PDE9A: variants seen among roughly 807,000 people sequenced by gnomAD.
PDE9A encodes phosphodiesterase 9A, also known as high affinity cGMP-specific 3',5'-cyclic phosphodiesterase 9A.
Under a neutral mutation model 87.4 loss-of-function variants are expected in PDE9A, and 60 were observed. The observed-to-expected ratio is 0.69, with a 90% CI of 0.56 to 0.85. The LOEUF is 0.85. Among genes scored for constraint, PDE9A ranks in the 40% least tolerant of loss-of-function variants. The pLI, the probability that PDE9A is intolerant of heterozygous loss-of-function variation, is 0.00. For synonymous variants in PDE9A, 272 were observed against 279.4 expected, an observed-to-expected ratio of 0.97 and a Z score of 0.27; for missense variants, 665 against 779.0, an observed-to-expected ratio of 0.85 and a Z score of 1.74.
intron 4 of PDE9A, among the ~76,000 whole-genome samples, chr21:42,727,138 G>A (rs1218872641): frequency 2.1e-5 from 3 of 140,168 alleles, no homozygotes; most frequent in Non-Finnish European, 4.6e-5. Context: ...TGTAAAACTT[G>A]TTTACCTATG....
At chr21:42,742,192 C>G (rs1489017381) in intron 7 of PDE9A, among the ~76,000 whole-genome samples, 1 of 152,134 alleles carries the variant, frequency 6.6e-6, no homozygotes, top group East Asian at 1.9e-4. Context: ...TGCAGTGGGA[C>G]TCTGTAACTG....
At position 42,689,611 on chromosome 21, in the gene PDE9A, G is replaced by A. The variant is rs56350349; in HGVS notation, c.218+1617G>A. On this transcript the variant is annotated intron_variant, in intron 3 of 19. Coordinates refer to ENST00000291539, the MANE Select transcript of PDE9A (RefSeq NM_002606.3). The stretch of plus-strand genomic sequence containing the variant: ...TTTTCCTGAAGTCATTTGAAACAGC[G>A]TGCAGAGACATTTAAACTCGGCGGG... 0.016 allele frequency: 15,941 copies of A among 985,348 alleles called. 1,583 individuals are homozygous for A. The African/African-American group carries it at 0.23, about 14-fold the overall frequency. The allele number at this position is 985,348 out of a possible 1,614,324, so 61.0% of individuals were successfully genotyped here.
intron 1 of PDE9A, among the ~76,000 whole-genome samples, chr21:42,679,850 C>T (rs2059066271): frequency 6.6e-6 from 1 of 152,178 alleles, no homozygotes. Context: ...AGGCCAGACC[C>T]TCAAACTCCA....
intron 4 of PDE9A, among the ~76,000 whole-genome samples, chr21:42,727,093 A>G (rs2051210662): frequency 6.6e-6 from 1 of 151,610 alleles, no homozygotes; most frequent in Non-Finnish European, 1.5e-5. Flanking sequence ...AAAAAAAAAA[A>G]AAAAAAAGTC....
chr21:42,737,567 T>C (rs2052590660), intron 7 of PDE9A, among the ~76,000 whole-genome samples: 6 of 152,118 alleles, frequency 3.9e-5, no homozygotes, highest in Admixed American at 1.3e-4. Flanking sequence ...ACAGGACACT[T>C]CTGTCTCAGC....
At chr21:42,670,104 CAT>C (rs575776578) in intron 1 of PDE9A, among the ~76,000 whole-genome samples, 77 of 152,210 alleles carry the variant, frequency 5.1e-4, no homozygotes, top group African/African-American at 1.2e-3. Context: ...TACACTCACA[CAT>C]ATGCTTACAC....
rs2052071691 is a variant in PDE9A at position 42,733,618 on chromosome 21, T to C, written c.568+192T>C. 6.8e-6 allele frequency: 4 copies of C among 587,442 alleles called. No homozygotes were observed. The South Asian group carries it at 8.6e-5, about 13-fold the overall frequency. 36.4% of individuals were successfully genotyped at this position (587,442 alleles called of 1,614,324 possible). The stretch of plus-strand genomic sequence containing the variant: ...TGACTAACTAAGCATTTTATTTCTA[T>C]TTTAAAAGAAGCACAGCTCATGGTA... On this transcript the variant is annotated intron_variant, in intron 7 of 19. Transcript: ENST00000291539.
intron 4 of PDE9A, among the ~76,000 whole-genome samples, chr21:42,715,185 TTAC>T (rs1364396868): frequency 1.5e-5 from 2 of 132,640 alleles, no homozygotes; most frequent in Non-Finnish European, 3.1e-5. Flanking sequence ...ATATGCATCT[TTAC>T]TTTTTTTTTT....
intron 4 of PDE9A, among the ~76,000 whole-genome samples, chr21:42,727,489 A>ATTTTTTTTTTTTTTTT (rs58515760): frequency 2.3e-5 from 2 of 88,340 alleles, no homozygotes; most frequent in African/African-American, 5.1e-5. Context: ...ACGCCTGGCT[A>ATTTTTTTTTTTTTTTT]TTTTTTTTTT....
At chr21:42,715,948 C>T (rs1206106434) in intron 4 of PDE9A, among the ~76,000 whole-genome samples, 1 of 151,494 alleles carries the variant, frequency 6.6e-6, no homozygotes, top group African/African-American at 2.4e-5. Flanking sequence ...GATCTTTTTA[C>T]TGTCTCCATA....
chr21:42,682,985 A>G (rs2059251235), intron 1 of PDE9A, among the ~76,000 whole-genome samples: 2 of 152,248 alleles, frequency 1.3e-5, no homozygotes, highest in African/African-American at 4.8e-5. Context: ...AAAATCAGAT[A>G]TCACTTAAGA....
chr21:42,754,016 G>C lies in PDE9A; in HGVS notation c.762G>C (p.Glu254Asp). The C allele has an allele frequency of 6.2e-7, 1 of 1,613,422 alleles. No homozygotes were observed. Among genetic ancestry groups the C allele is most frequent in the South Asian group, 1.1e-5 (1 of 91,062 alleles). ...ACCTGCTCTCTCCAGAGACCATCGA[G>C]GCCCTGCGGAAGCCGACCTTTGACG... ...PKYLLSPETIEALRKPTFDVW... is the reference protein window; with the variant it reads ...PKYLLSPETIDALRKPTFDVW... Residue 254 changes from glutamate to aspartate, a missense_variant, in exon 10 of 20, where the codon GAG becomes GAC. Glu to Asp is a conservative substitution (Grantham distance 45, BLOSUM62 2). Coordinates refer to ENST00000291539, the MANE Select transcript of PDE9A (RefSeq NM_002606.3).
At chr21:42,766,368 G>C (rs2056401429) in intron 15 of PDE9A, among the ~76,000 whole-genome samples, 2 of 151,730 alleles carry the variant, frequency 1.3e-5, no homozygotes, top group African/African-American at 4.8e-5. Context: ...TGCCCTCCCG[G>C]CCTTCAGAGA....
Position 42,743,753 on chromosome 21 carries a change from GCTGT to G in PDE9A, c.569-20_569-17del, listed in dbSNP as rs1291699089. 6.8e-7 allele frequency: 1 copy of G among 1,480,040 alleles called. No homozygotes were observed. Among genetic ancestry groups the G allele is most frequent in the African/African-American group, 1.4e-5 (1 of 72,020 alleles). 91.7% of individuals were successfully genotyped at this position (1,480,040 alleles called of 1,614,324 possible). A position where few individuals can be genotyped will look rare whatever the true frequency, so the allele number is the denominator to read the frequency against. ...CACATTCGTCCGTGGTAACCCCCTT[GCTGT>G]CTCTCTCTCTGTCACCAGTGGAAGG... On this transcript the variant is annotated intron_variant, in intron 7 of 19. Coordinates refer to ENST00000291539, the MANE Select transcript of PDE9A (RefSeq NM_002606.3).
At position 42,694,971 on chromosome 21, in the gene PDE9A, A is replaced by G. The variant is rs1481778238; in HGVS notation, c.219-3997A>G. On this transcript the variant is annotated intron_variant, in intron 3 of 19. Coordinates refer to ENST00000291539, the MANE Select transcript of PDE9A (RefSeq NM_002606.3). The surrounding 1 kb of genome is among the most constrained non-coding windows in gnomAD (Gnocchi z 5.3). ...CTCCAAGCACATTCCCCCTCTGCAC[A>G]CTGCCAATCTTCCTGTCCCCGCCCC... Among the ~76,000 whole-genome samples the G allele has an allele frequency of 1.3e-5, 2 of 152,034 alleles. No homozygotes were observed. The highest frequency in any genetic ancestry group is 4.8e-5 in the African/African-American group (2 of 41,394).
chr21:42,719,264 C>T (rs1011432369), intron 4 of PDE9A, among the ~76,000 whole-genome samples: 13 of 151,896 alleles, frequency 8.6e-5, no homozygotes, highest in Non-Finnish European at 1.3e-4. Context: ...TGTCATCTGA[C>T]GCTTCAACCT....
At chr21:42,755,886 G>T (rs149441490) in intron 10 of PDE9A, among the ~76,000 whole-genome samples, 2 of 152,258 alleles carry the variant, frequency 1.3e-5, no homozygotes, top group African/African-American at 4.8e-5. Flanking sequence ...AAGCACCTGC[G>T]TGGAAACTGG....
At chr21:42,720,388 G>A (rs2050378412) in intron 4 of PDE9A, among the ~76,000 whole-genome samples, 2 of 152,122 alleles carry the variant, frequency 1.3e-5, no homozygotes, top group African/African-American at 2.4e-5. Context: ...CAGCTACTCG[G>A]GAGGCTGAGG....
chr21:42,686,568 A>G (rs1432086341), intron 2 of PDE9A, among the ~76,000 whole-genome samples: 2 of 151,848 alleles, frequency 1.3e-5, no homozygotes, highest in African/African-American at 4.8e-5. Context: ...TAATCCCAAC[A>G]CTTTGAGAGG....
Sources: gnomAD v4.1 joint callset for allele counts (sites outside exome capture counted in the v4.1 genomes callset) on GRCh38, gnomAD v4.1.1 for gene constraint, Gnocchi (gnomAD v3.1) non-coding constraint, MANE v1.5 for transcripts, NCBI Gene and HGNC (gene_info 2026-07-23, HGNC 2026-07-21) for gene names.